ADNP: variants seen among roughly 807,000 people sequenced by gnomAD.
ADNP encodes activity dependent neuroprotector homeobox.
A neutral mutation model predicts 84.9 loss-of-function variants in ADNP; 4 were observed. The observed-to-expected ratio is 0.05, with a 90% CI of 0.02 to 0.11. The LOEUF is 0.11. ADNP is among the 10% of genes least tolerant of loss of function. The pLI is 1.00. For synonymous variants in ADNP, 554 were observed against 468.1 expected, an observed-to-expected ratio of 1.18 and a Z score of -2.37; for missense variants, 1,132 against 1,326.0, an observed-to-expected ratio of 0.85 and a Z score of 2.27.
intron 2 of ADNP, among the ~76,000 whole-genome samples, chr20:50,922,942 G>C (rs1171745768): frequency 6.6e-6 from 1 of 151,946 alleles, no homozygotes; most frequent in Non-Finnish European, 1.5e-5. Flanking sequence ...CGGGGTATAG[G>C]GCCAACACCC....
intron 2 of ADNP, among the ~76,000 whole-genome samples, chr20:50,917,467 G>A (rs897980755): frequency 6.6e-6 from 1 of 152,312 alleles, no homozygotes; most frequent in East Asian, 1.9e-4. Context: ...GTAATATCTT[G>A]TAAAATGAAA....
At position 50,889,518 on chromosome 20, in the gene ADNP, G is replaced by A. The variant is rs1242595717; in HGVS notation, c.*1887C>T. On this transcript the variant is annotated 3_prime_UTR_variant, in exon 6 of 6. Coordinates refer to ENST00000621696, the MANE Select transcript of ADNP (RefSeq NM_001282531.3). The stretch of plus-strand genomic sequence containing the variant: ...CTAGTCTACTCTTGCACTTCTTCCT[G>A]TACTGTTGTTGAGAAGCTTACATTT... 5.0e-6 allele frequency: 1 copy of A among 199,268 alleles called. No homozygotes were observed. Among genetic ancestry groups the A allele is most frequent in the African/African-American group, 2.3e-5 (1 of 43,546 alleles). 12.3% of individuals were successfully genotyped at this position (199,268 alleles called of 1,614,324 possible).
At chr20:50,915,814 C>G (rs1397180553) in intron 2 of ADNP, among the ~76,000 whole-genome samples, 1 of 152,106 alleles carries the variant, frequency 6.6e-6, no homozygotes, top group Admixed American at 6.6e-5. Context: ...ATTAGAGAAC[C>G]AGGAAGATAA....
Position 50,891,394 on chromosome 20 carries a change from G to T in ADNP, c.*11C>A, listed in dbSNP as rs753750584. 6.3e-7 allele frequency: 1 copy of T among 1,581,702 alleles called. No individual in the cohort carries two copies. The highest frequency in any genetic ancestry group is 8.6e-7 in the Non-Finnish European group (1 of 1,166,984). On this transcript the variant is annotated 3_prime_UTR_variant, in exon 6 of 6. Coordinates refer to ENST00000621696, the MANE Select transcript of ADNP (RefSeq NM_001282531.3). ...GCTGCAGCATGTCACCAACGCCAGG[G>T]AACCTGGCACTTAGGCCTGTTGGCT...
chr20:50,913,839 C>T (rs1474548582), intron 2 of ADNP: 2 of 532,190 alleles, frequency 3.8e-6, no homozygotes, highest in Non-Finnish European at 7.1e-6. Context: ...GAGAACTGAC[C>T]AGGACAGAAG....
chr20:50,890,809 G>A lies in ADNP; in HGVS notation c.*596C>T, dbSNP rs541580104. 17 of 607,964 alleles carry A rather than the reference G, an allele frequency of 2.8e-5. No individual in the cohort carries two copies. Among genetic ancestry groups the A allele is most frequent in the African/African-American group, 2.4e-4 (12 of 49,822 alleles). The allele number at this position is 607,964 out of a possible 1,614,324, so 37.7% of individuals were successfully genotyped here. On this transcript the variant is annotated 3_prime_UTR_variant, in exon 6 of 6. Coordinates refer to ENST00000621696, the MANE Select transcript of ADNP (RefSeq NM_001282531.3). ...GTCTGTCCAAAAAGTCCATACTAGC[G>A]CAGTTTTGAGCTTTTGCTAGGTAAA...
chr20:50,893,530 T>G lies in ADNP; in HGVS notation c.1184A>C (p.Gln395Pro), dbSNP rs778276907. Residue 395 changes from glutamine to proline, a missense_variant, in exon 6 of 6, where the codon CAG becomes CCG. Gln to Pro is a moderately conservative substitution (Grantham distance 76). Transcript: ENST00000621696. The surrounding 1 kb of genome is among the most constrained non-coding windows in gnomAD (Gnocchi z 4.4). ...RSQAPARYSL[Q>P]SANASSLSSG... ...TGAGAGAGAAGAGGCATTAGCAGAC[T>G]GCAGGGAGTATCTTGCTGGTGCCTG... 30 of 1,613,922 alleles carry G rather than the reference T, an allele frequency of 1.9e-5. No individual in the cohort carries two copies. The highest frequency in any genetic ancestry group is 2.5e-5 in the Non-Finnish European group (30 of 1,180,026).
At chr20:50,910,976 C>T (rs1341089321) in intron 2 of ADNP, among the ~76,000 whole-genome samples, 2 of 152,186 alleles carry the variant, frequency 1.3e-5, no homozygotes, top group African/African-American at 4.8e-5. Context: ...TGGAGACTAA[C>T]ACTGTTGAGT....
intron 2 of ADNP, among the ~76,000 whole-genome samples, chr20:50,909,031 T>C (rs561125518): frequency 5.4e-4 from 82 of 150,834 alleles, no homozygotes; most frequent in African/African-American, 1.8e-3. Flanking sequence ...TGCAGAAGGA[T>C]AGCTAATCCC....
intron 2 of ADNP, among the ~76,000 whole-genome samples, chr20:50,915,161 C>T (rs1983413011): frequency 6.6e-6 from 1 of 152,030 alleles, no homozygotes; most frequent in Admixed American, 6.6e-5. Flanking sequence ...AAGAAAAAAA[C>T]ATCATTCTTG....
Position 50,892,783 on chromosome 20 carries a change from C to T in ADNP, c.1931G>A (p.Arg644Gln), listed in dbSNP as rs374512656. 1 of 1,614,182 alleles carries T rather than the reference C, an allele frequency of 6.2e-7. No homozygotes were observed. The highest frequency in any genetic ancestry group is 8.5e-7 in the Non-Finnish European group (1 of 1,180,032). ...CGTCTGAATAACTTGGTGCCTCTCT[C>T]GTAAGTGATGTGCAAGTGCATCAGA... ...PISDALAHHL[R>Q]ERHQVIQTVH... Residue 644 changes from arginine (R) to glutamine (Q), a missense_variant, in exon 6 of 6, where the codon CGA (arginine) becomes CAA (glutamine). This residue lies in a region of ADNP where 39 missense variants were observed against 96.2 expected (regional missense o/e 0.41). Coordinates refer to ENST00000621696, the MANE Select transcript of ADNP (RefSeq NM_001282531.3).
intron 4 of ADNP, 31 bp downstream of exon 4, chr20:50,903,856 CAT>C: frequency 1.3e-6 from 2 of 1,503,994 alleles, no homozygotes; most frequent in Non-Finnish European, 1.8e-6. Flanking sequence ...GAAGCTGAGT[CAT>C]GTTAAAATTT....
chr20:50,919,010 C>T (rs1255017740), intron 2 of ADNP, among the ~76,000 whole-genome samples: 3 of 152,098 alleles, frequency 2.0e-5, no homozygotes, highest in African/African-American at 7.2e-5. Flanking sequence ...AAGTTCATCA[C>T]AGGTGATTTC....
Position 50,890,034 on chromosome 20 carries a change from ATTTTT to A in ADNP, c.*1366_*1370del, listed in dbSNP as rs11299078. The A allele has an allele frequency of 1.2e-5, 4 of 325,174 alleles. No homozygotes were observed. In the Admixed American group the frequency reaches 2.1e-4, roughly 17 times the overall value. The allele number at this position is 325,174 out of a possible 1,614,324, so 20.1% of individuals were successfully genotyped here. A position where few individuals can be genotyped will look rare whatever the true frequency, so the allele number is the denominator to read the frequency against. On this transcript the variant is annotated 3_prime_UTR_variant, in exon 6 of 6. Coordinates refer to ENST00000621696, the MANE Select transcript of ADNP (RefSeq NM_001282531.3). ...CAAATTAATGCCAATCCATGTTTAC[ATTTTT>A]TTTTTTATCATTGAGACATTTACAT... is the stretch of plus-strand genomic sequence containing the variant.
At position 50,904,702 on chromosome 20, in the gene ADNP, T is replaced by G. The variant is rs566878432; in HGVS notation, c.-6+64A>C. 7 of 152,336 alleles carry G rather than the reference T, an allele frequency of 4.6e-5. 1 individual carries two copies. The highest frequency in any genetic ancestry group is 2.1e-4 in the South Asian group (1 of 4,828). The allele number at this position is 152,336 out of a possible 1,614,324, so 9.4% of individuals were successfully genotyped here. Reference sequence around the variant, plus strand: ...AGAAATACTAGCAATCAATTATTTTTAAATCAAGTGTTAGTGCTTTTCTCA... The same window carrying G: ...AGAAATACTAGCAATCAATTATTTTGAAATCAAGTGTTAGTGCTTTTCTCA... On this transcript the variant is annotated intron_variant, in intron 3 of 5. Coordinates refer to ENST00000621696, the MANE Select transcript of ADNP (RefSeq NM_001282531.3).
chr20:50,924,395 A>C (rs1984156350), intron 2 of ADNP, among the ~76,000 whole-genome samples: 1 of 152,214 alleles, frequency 6.6e-6, no homozygotes, highest in Non-Finnish European at 1.5e-5. Context: ...ACATGGAAGC[A>C]TAAAACCTCA....
intron 2 of ADNP, among the ~76,000 whole-genome samples, chr20:50,906,136 C>T (rs974934132): frequency 2.6e-5 from 4 of 152,130 alleles, no homozygotes; most frequent in Admixed American, 6.5e-5. Context: ...CGCTTGAACC[C>T]GGGAGGCAGA....
In ADNP at chr20:50,891,032, G is replaced by C; in HGVS notation, c.*373C>G. 8 of 1,037,748 alleles carry C rather than the reference G, an allele frequency of 7.7e-6. No individual in the cohort carries two copies. Among genetic ancestry groups the C allele is most frequent in the Non-Finnish European group, 9.3e-6 (8 of 864,586 alleles). The allele number at this position is 1,037,748 out of a possible 1,614,324, so 64.3% of individuals were successfully genotyped here. ...ACTATACACATTAGACTGGTAGCTT[G>C]TATGTTGGCCCTACACTACCATGTG... On this transcript the variant is annotated 3_prime_UTR_variant, in exon 6 of 6. Transcript: ENST00000621696.
At chr20:50,917,577 C>T (rs1284074222) in intron 2 of ADNP, among the ~76,000 whole-genome samples, 2 of 152,164 alleles carry the variant, frequency 1.3e-5, no homozygotes, top group African/African-American at 2.4e-5. Flanking sequence ...ATACTCTAAG[C>T]ATGTTCTTCT....
Sources: gnomAD v4.1 joint callset for allele counts (sites outside exome capture counted in the v4.1 genomes callset) on GRCh38, gnomAD v4.1.1 for gene constraint, gnomAD v4.1.1 regional missense constraint, Gnocchi (gnomAD v3.1) non-coding constraint, MANE v1.5 for transcripts, NCBI Gene and HGNC (gene_info 2026-07-23, HGNC 2026-07-21) for gene names.